ADIG: variants seen among roughly 807,000 people sequenced by gnomAD.
The protein encoded by ADIG is adipogenin, also known as adipogenesis associated.
ADIG carries 12 observed loss-of-function variants against 10.7 expected under a neutral mutation model. That is an observed-to-expected ratio of 1.12 (90% CI 0.72 to 1.82). ADIG has a LOEUF of 1.82. Among genes scored for constraint, ADIG ranks in the 40% most tolerant of loss-of-function variants. The pLI, the probability that ADIG is intolerant of heterozygous loss-of-function variation, is 0.00. For missense variants in ADIG, 72 were observed against 92.5 expected (o/e 0.78, Z 0.91); for synonymous variants, 32 against 35.6 (o/e 0.90, Z 0.36).
At chr20:38,584,606 C>T (rs558176834) in intron 1 of ADIG, among the ~76,000 whole-genome samples, 1 of 152,310 alleles carries the variant, frequency 6.6e-6, no homozygotes, top group Admixed American at 6.5e-5. Context: ...GGCTGTGAGC[C>T]TGGACAAGTG....
At position 38,585,962 on chromosome 20, in the gene ADIG, C is replaced by T. The variant is rs988496847; in HGVS notation, c.125-67C>T. On this transcript the variant is annotated intron_variant, in intron 1 of 2. Coordinates refer to ENST00000537425, the MANE Select transcript of ADIG (RefSeq NM_001393816.1). ...GGATACCCAGGCCTGGCAGGGGACTCCTTCCTGGGTCAGGGGTAGGAGACA... is the reference window on the plus strand; with the variant it reads ...GGATACCCAGGCCTGGCAGGGGACTTCTTCCTGGGTCAGGGGTAGGAGACA... 5.4e-6 allele frequency: 8 copies of T among 1,486,268 alleles called. No homozygotes were observed. In the African/African-American group the frequency reaches 1.1e-4, roughly 21 times the overall value. 92.1% of individuals were successfully genotyped at this position (1,486,268 alleles called of 1,614,324 possible).
At chr20:38,584,149 G>A (rs560763433) in intron 1 of ADIG, among the ~76,000 whole-genome samples, 150 of 152,080 alleles carry the variant, frequency 9.9e-4, no homozygotes, top group Admixed American at 5.2e-4. Context: ...AGGGTTAAGC[G>A]TGGAATACCC....
At chr20:38,584,047 A>C (rs2088612070) in intron 1 of ADIG, among the ~76,000 whole-genome samples, 1 of 152,012 alleles carries the variant, frequency 6.6e-6, no homozygotes, top group South Asian at 2.1e-4. Flanking sequence ...TCCAGTTTGA[A>C]AAGCAGACAG....
At chr20:38,583,451 C>G (rs2088605980) in intron 1 of ADIG, among the ~76,000 whole-genome samples, 1 of 152,214 alleles carries the variant, frequency 6.6e-6, no homozygotes, top group African/African-American at 2.4e-5. Context: ...AGTACCTGCC[C>G]CTTGGGGTTG....
At chr20:38,586,184 G>T in intron 2 of ADIG, 23 bp downstream of exon 2, 2 of 1,553,218 alleles carry the variant, frequency 1.3e-6, no homozygotes, top group Non-Finnish European at 8.7e-7. Context: ...CAGGGGCCAG[G>T]GGGAGCCTCA....
In ADIG at chr20:38,588,386, AGGGCT is replaced by A. The variant is rs1281595673; in HGVS notation, c.*305_*309del. On this transcript the variant is annotated 3_prime_UTR_variant, in exon 3 of 3. Transcript: ENST00000537425. The stretch of plus-strand genomic sequence containing the variant: ...ATTTAATTCAGAGGGGTCTTAAAGC[AGGGCT>A]GGGCCGGAGGGTGTGGGTCCATATT... The A allele has an allele frequency of 7.8e-7, 1 of 1,275,430 alleles. No homozygotes were observed. Among genetic ancestry groups the A allele is most frequent in the Non-Finnish European group, 1.0e-6 (1 of 974,624 alleles). The allele number at this position is 1,275,430 out of a possible 1,614,324, so 79.0% of individuals were successfully genotyped here. A position where few individuals can be genotyped will look rare whatever the true frequency, so the allele number is the denominator to read the frequency against.
intron 1 of ADIG, among the ~76,000 whole-genome samples, chr20:38,582,425 T>A (rs973901086): frequency 2.6e-5 from 4 of 152,162 alleles, no homozygotes; most frequent in African/African-American, 9.7e-5. Context: ...CCACTTGACC[T>A]CCTACCTCCT....
At chr20:38,585,700 T>C in intron 1 of ADIG, 1 of 680,114 alleles carries the variant, frequency 1.5e-6, no homozygotes, top group South Asian at 1.9e-5. Flanking sequence ...AGTGGACTAG[T>C]GGCCTGGATG....
At position 38,581,283 on chromosome 20, in the gene ADIG, C is replaced by T; in HGVS notation, c.33C>T (p.Asp11=). The change falls in exon 1 of 3, where the codon GAC becomes GAT. Residue 11 remains aspartate, a synonymous_variant. Transcript: ENST00000537425. ...ACCCTTTGATGCCGCTGGTGAACGA[C>T]CTCACATTTTCTTTCCTGGTTTTCT... is the stretch of plus-strand genomic sequence containing the variant. The part of the protein sequence containing the change: MKYPLMPLVN[D]LTFSFLVFWF... 1 of 1,613,874 alleles carries T rather than the reference C, an allele frequency of 6.2e-7. No homozygotes were observed. The highest frequency in any genetic ancestry group is 8.5e-7 in the Non-Finnish European group (1 of 1,179,882).
chr20:38,586,388 G>A (rs1471462812), intron 2 of ADIG: 2 of 506,520 alleles, frequency 3.9e-6, no homozygotes, highest in East Asian at 3.6e-5. Flanking sequence ...CCTTTACAAA[G>A]GTCCCCTACC....
At chr20:38,582,558 G>A (rs1015614432) in intron 1 of ADIG, among the ~76,000 whole-genome samples, 17 of 152,192 alleles carry the variant, frequency 1.1e-4, no homozygotes, top group African/African-American at 3.4e-4. Flanking sequence ...CTAGCCCCAT[G>A]ATCTCAAATG....
chr20:38,588,277 A>C lies in ADIG; in HGVS notation c.*191A>C. The C allele has an allele frequency of 1.5e-6, 2 of 1,304,254 alleles. No homozygotes were observed. The highest frequency in any genetic ancestry group is 2.0e-6 in the Non-Finnish European group (2 of 988,914). The allele number at this position is 1,304,254 out of a possible 1,614,324, so 80.8% of individuals were successfully genotyped here. A position where few individuals can be genotyped will look rare whatever the true frequency, so the allele number is the denominator to read the frequency against. On this transcript the variant is annotated 3_prime_UTR_variant, in exon 3 of 3. Coordinates refer to ENST00000537425, the MANE Select transcript of ADIG (RefSeq NM_001393816.1). ...GGTCCCAGCCCTTCTCCAGCATCAC[A>C]GATGACCTCCAGCCCTGCAGGGAGC...
intron 1 of ADIG, among the ~76,000 whole-genome samples, chr20:38,581,999 C>T (rs2088594876): frequency 6.6e-6 from 1 of 152,000 alleles, no homozygotes; most frequent in African/African-American, 2.4e-5. Context: ...AGAGGTGGGA[C>T]GAAGCTGGCT....
intron 1 of ADIG, among the ~76,000 whole-genome samples, chr20:38,582,899 C>G (rs533363451): frequency 2.0e-5 from 3 of 152,206 alleles, no homozygotes; most frequent in Admixed American, 1.3e-4. Context: ...CTCACTGCAA[C>G]CTCTGCCTCC....
At chr20:38,585,552 C>T in intron 1 of ADIG, 20 of 1,546,986 alleles carry the variant, frequency 1.3e-5, no homozygotes, top group Non-Finnish European at 1.7e-5. Flanking sequence ...GCTTAGTCAC[C>T]CAGATCTCTC....
At chr20:38,586,001 C>T (rs2088632725) in intron 1 of ADIG, 28 bp from the exon 2 acceptor site, 2 of 1,570,408 alleles carry the variant, frequency 1.3e-6, no homozygotes, top group African/African-American at 1.3e-5. Context: ...TGTGACCATC[C>T]AAGAGGCCTT....
intron 2 of ADIG, 28 bp from the exon 3 acceptor site, chr20:38,588,073 C>T (rs1390844169): frequency 4.7e-6 from 6 of 1,279,264 alleles, no homozygotes; most frequent in Non-Finnish European, 6.1e-6. Context: ...AATGGCATCC[C>T]TAGTCCCAAC....
intron 1 of ADIG, chr20:38,585,461 T>C: frequency 6.4e-7 from 1 of 1,550,606 alleles, no homozygotes. Context: ...AAGATACAGA[T>C]ATGATGCAAA....
At chr20:38,583,277 A>G (rs1334087931) in intron 1 of ADIG, among the ~76,000 whole-genome samples, 2 of 152,210 alleles carry the variant, frequency 1.3e-5, no homozygotes, top group African/African-American at 2.4e-5. Flanking sequence ...GGGGAAACTG[A>G]GGCTAGGAGA....
Sources: gnomAD v4.1 joint callset for allele counts (sites outside exome capture counted in the v4.1 genomes callset) on GRCh38, gnomAD v4.1.1 for gene constraint, MANE v1.5 for transcripts, NCBI Gene and HGNC (gene_info 2026-07-23, HGNC 2026-07-21) for gene names.